EFTUD2: variants seen among roughly 807,000 people sequenced by gnomAD.
The protein encoded by EFTUD2 is 116 kDa U5 small nuclear ribonucleoprotein component.
Under a neutral mutation model 114.3 loss-of-function variants are expected in EFTUD2, and 9 were observed. That is an observed-to-expected ratio of 0.08 (90% CI 0.05 to 0.14). The LOEUF (loss-of-function observed/expected upper bound fraction) is 0.14. Among genes scored for constraint, EFTUD2 ranks in the 10% least tolerant of loss-of-function variants. The pLI, the probability that EFTUD2 is intolerant of heterozygous loss-of-function variation, is 1.00. For synonymous variants in EFTUD2, 449 were observed against 462.3 expected (o/e 0.97, Z 0.37); for missense variants, 765 against 1,241.2 (o/e 0.62, Z 5.76).
At chr17:44,877,972 C>T (rs2050999248) in intron 9 of EFTUD2, among the ~76,000 whole-genome samples, 1 of 152,052 alleles carries the variant, frequency 6.6e-6, no homozygotes. Context: ...CCTGTCTCTA[C>T]TAAAAATACA....
intron 13 of EFTUD2, among the ~76,000 whole-genome samples, chr17:44,866,559 AG>A (rs2050749464): frequency 6.6e-6 from 1 of 151,888 alleles, no homozygotes; most frequent in Non-Finnish European, 1.5e-5. Context: ...TTGTATTTTT[AG>A]TAGAAATGGG....
At position 44,854,128 on chromosome 17, in the gene EFTUD2, G is replaced by T; in HGVS notation, c.2347+141C>A. On this transcript the variant is annotated intron_variant, in intron 23 of 27. Transcript: ENST00000426333. This position sits in a 1 kb window ranked among gnomAD's most constrained non-coding sequence, Gnocchi z 4.3. Reference sequence around the variant, plus strand: ...AGGATAAGGAAGGAAAAGGGAAGAAGCTGGCCCAGGACTTGGGATGGTCCT... The same window carrying T: ...AGGATAAGGAAGGAAAAGGGAAGAATCTGGCCCAGGACTTGGGATGGTCCT... The T allele has an allele frequency of 7.1e-7, 1 of 1,415,218 alleles. No homozygotes were observed. Among genetic ancestry groups the T allele is most frequent in the Non-Finnish European group, 9.4e-7 (1 of 1,064,882 alleles). The allele number at this position is 1,415,218 out of a possible 1,614,324, so 87.7% of individuals were successfully genotyped here.
intron 10 of EFTUD2, among the ~76,000 whole-genome samples, chr17:44,874,580 C>T (rs2050913147): frequency 6.6e-6 from 1 of 152,140 alleles, no homozygotes; most frequent in Non-Finnish European, 1.5e-5. Flanking sequence ...GGACGGCCTC[C>T]TCACAGGCCC....
intron 4 of EFTUD2, chr17:44,884,255 TC>T (rs1172189699): frequency 6.6e-6 from 1 of 151,518 alleles, no homozygotes; most frequent in Non-Finnish European, 1.5e-5. Flanking sequence ...ACTCCTGACC[TC>T]AGGTGATCCA....
intron 27 of EFTUD2, 81 bp from the exon 28 acceptor site, chr17:44,851,450 T>A: frequency 8.3e-7 from 1 of 1,211,254 alleles, no homozygotes; most frequent in Non-Finnish European, 1.2e-6. Context: ...CTGTGTTCAG[T>A]GGGGAGGCTA....
At position 44,863,645 on chromosome 17, in the gene EFTUD2, A is replaced by G; in HGVS notation, c.1413+10T>C. The G allele has an allele frequency of 6.2e-7, 1 of 1,610,856 alleles. No homozygotes were observed. Among genetic ancestry groups the G allele is most frequent in the Non-Finnish European group, 8.5e-7 (1 of 1,178,078 alleles). On this transcript the variant is annotated intron_variant, in intron 15 of 27. Transcript: ENST00000426333. ...AAAGACCAGAGAACCGGGGAGCCACATGCCCTTACATCAGGGTCACAGTCA... is the reference window on the plus strand; with the variant it reads ...AAAGACCAGAGAACCGGGGAGCCACGTGCCCTTACATCAGGGTCACAGTCA...
Position 44,854,375 on chromosome 17 carries a change from C to A in EFTUD2, c.2260-19G>T. ...TGTCCACCTATAGAGAAACATGAGG[C>A]CTCCTTAGCAGTCGCCCTGGCAACG... is the stretch of plus-strand genomic sequence containing the variant. On this transcript the variant is annotated intron_variant, in intron 22 of 27. Transcript: ENST00000426333. This position sits in a 1 kb window ranked among gnomAD's most constrained non-coding sequence, Gnocchi z 4.3. 1 of 1,610,584 alleles carries A rather than the reference C, an allele frequency of 6.2e-7. No individual in the cohort carries two copies. Among genetic ancestry groups the A allele is most frequent in the Non-Finnish European group, 8.5e-7 (1 of 1,178,430 alleles).
intron 1 of EFTUD2, among the ~76,000 whole-genome samples, chr17:44,894,829 A>C (rs2051348764): frequency 6.6e-6 from 1 of 152,238 alleles, no homozygotes; most frequent in Admixed American, 6.5e-5. Flanking sequence ...CCGTACAGAG[A>C]TGGGGCGTGG....
Position 44,868,422 on chromosome 17 carries a change from G to C in EFTUD2, c.995-72C>G, listed in dbSNP as rs1219011170. The stretch of plus-strand genomic sequence containing the variant: ...TCAAAATTCTGTTTCAGGTGCCACA[G>C]GTGGTTCATAGCTGAGAACTTCTAG... On this transcript the variant is annotated intron_variant, in intron 11 of 27. Transcript: ENST00000426333. 2.0e-6 allele frequency: 3 copies of C among 1,482,902 alleles called. No individual in the cohort carries two copies. In the African/African-American group the frequency reaches 4.2e-5, roughly 21 times the overall value. The allele number at this position is 1,482,902 out of a possible 1,614,324, so 91.9% of individuals were successfully genotyped here.
chr17:44,851,526 G>A (rs1168644748), intron 27 of EFTUD2, among the ~76,000 whole-genome samples, 157 bp from the exon 28 acceptor site: 3 of 152,174 alleles, frequency 2.0e-5, no homozygotes, highest in Non-Finnish European at 4.4e-5. Flanking sequence ...TCACATGGGA[G>A]GATAAGGCTC....
chr17:44,871,305 G>A (rs1190371403), intron 11 of EFTUD2, among the ~76,000 whole-genome samples: 3 of 151,376 alleles, frequency 2.0e-5, no homozygotes, highest in Non-Finnish European at 2.9e-5. Flanking sequence ...GATTACAGGC[G>A]TGAGCCACTG....
intron 14 of EFTUD2, 49 bp downstream of exon 14, chr17:44,864,881 G>C (rs1231206797): frequency 6.3e-7 from 1 of 1,592,254 alleles, no homozygotes; most frequent in African/African-American, 1.3e-5. Context: ...TGATACCTGT[G>C]GCAGGGCACG....
At chr17:44,887,435 A>G (rs1373590884) in intron 2 of EFTUD2, among the ~76,000 whole-genome samples, 1 of 152,248 alleles carries the variant, frequency 6.6e-6, no homozygotes, top group Non-Finnish European at 1.5e-5. Context: ...TCAACTGATG[A>G]CTGGATAAAT....
chr17:44,865,133 G>T, intron 13 of EFTUD2, 68 bp from the exon 14 acceptor site: 1 of 1,581,636 alleles, frequency 6.3e-7, no homozygotes, highest in East Asian at 2.3e-5. Context: ...GGGAGACAAG[G>T]GAAGTCCAAA....
chr17:44,893,120 A>AT (rs71363505), intron 2 of EFTUD2, among the ~76,000 whole-genome samples: 181 of 140,488 alleles, frequency 1.3e-3, no homozygotes, highest in Middle Eastern at 3.6e-3. Flanking sequence ...CTCAACAGTC[A>AT]TTTTTTTTTT....
At chr17:44,878,393 A>G (rs1024842174) in intron 9 of EFTUD2, among the ~76,000 whole-genome samples, 3 of 152,246 alleles carry the variant, frequency 2.0e-5, no homozygotes, top group Non-Finnish European at 2.9e-5. Context: ...AAGAGAGGCT[A>G]AAGAACAGCT....
At chr17:44,878,822 G>C (rs186845946) in intron 9 of EFTUD2, among the ~76,000 whole-genome samples, 42 of 152,248 alleles carry the variant, frequency 2.8e-4, no homozygotes, top group Admixed American at 2.5e-3. Context: ...GGCTCCCTCT[G>C]CTGGCTGTCT....
At chr17:44,891,107 C>T (rs1371251432) in intron 2 of EFTUD2, among the ~76,000 whole-genome samples, 1 of 152,122 alleles carries the variant, frequency 6.6e-6, no homozygotes, top group African/African-American at 2.4e-5. Context: ...TAAAATGCAC[C>T]ACTCATCATG....
chr17:44,870,828 A>AC (rs1432893076), intron 11 of EFTUD2, among the ~76,000 whole-genome samples: 1 of 151,726 alleles, frequency 6.6e-6, no homozygotes, highest in Non-Finnish European at 1.5e-5. Flanking sequence ...GACCAGCCTG[A>AC]CCAACATGGT....
Sources: allele counts gnomAD v4.1 joint callset (sites outside exome capture counted in the v4.1 genomes callset), GRCh38; gene constraint gnomAD v4.1.1; non-coding constraint Gnocchi (gnomAD v3.1); transcripts MANE v1.5; gene names NCBI Gene and HGNC (gene_info 2026-07-23, HGNC 2026-07-21).